Variants in KIAA1755 observed in about 807,000 individuals in gnomAD.
KIAA1755 encodes KIAA1755, also known as uncharacterized protein KIAA1755.
In KIAA1755, 68 loss-of-function variants were observed where a neutral mutation model predicts 91.7. The observed-to-expected ratio is 0.74, with a 90% CI of 0.61 to 0.91. KIAA1755 has a LOEUF of 0.91. Ranked by LOEUF, KIAA1755 falls within the 40% of genes least tolerant of loss-of-function variation. KIAA1755 has a pLI of 0.00. For missense variants in KIAA1755, 1,535 were observed against 1,494.4 expected (o/e 1.03, Z -0.45); for synonymous variants, 610 against 604.6 (o/e 1.01, Z -0.13).
In KIAA1755 at chr20:38,223,551, G is replaced by T. The variant is rs1236602288; in HGVS notation, c.2255C>A (p.Pro752His). 6.3e-7 allele frequency: 1 copy of T among 1,594,296 alleles called. No individual in the cohort carries two copies. Among genetic ancestry groups the T allele is most frequent in the Non-Finnish European group, 8.5e-7 (1 of 1,171,868 alleles). The change falls in exon 9 of 14, where the codon CCT becomes CAT. Residue 752 changes from proline to histidine, a missense_variant. By Grantham distance (77) the Pro-to-His change is moderately conservative. Coordinates refer to ENST00000279024, the MANE Select transcript of KIAA1755 (RefSeq NM_001029864.2). ...SIEEFEKADP[P>H]GGMQEATRCL... Reference sequence around the variant, plus strand: ...CTCCAGGCTCACCTGCATCCCCCCAGGGGGGTCGGCCTTCTCGAATTCCTC... The same window carrying T: ...CTCCAGGCTCACCTGCATCCCCCCATGGGGGTCGGCCTTCTCGAATTCCTC...
Position 38,218,229 on chromosome 20 carries a change from T to C in KIAA1755, c.2679+15A>G, listed in dbSNP as rs2075586891. On this transcript the variant is annotated intron_variant, in intron 12 of 13. Transcript: ENST00000279024. ...CATCTGCTCCAGTCCTGCTCCTCTG[T>C]TGTCTGGAACGCACTGCAGCCTGGA... 2 of 1,614,012 alleles carry C rather than the reference T, an allele frequency of 1.2e-6. No homozygotes were observed. Among genetic ancestry groups the C allele is most frequent in the East Asian group, 2.2e-5 (1 of 44,898 alleles).
chr20:38,249,890 A>G (rs1279139797), intron 1 of KIAA1755, among the ~76,000 whole-genome samples: 1 of 134,558 alleles, frequency 7.4e-6, no homozygotes, highest in Non-Finnish European at 1.6e-5. Flanking sequence ...TGCCCTCCCC[A>G]CTCCCTCCCT....
At chr20:38,215,701 C>T (rs1282359137) in intron 13 of KIAA1755, among the ~76,000 whole-genome samples, 8 of 152,230 alleles carry the variant, frequency 5.3e-5, no homozygotes, top group Middle Eastern at 3.4e-3. Context: ...AGTTGGAGCA[C>T]GTTTGATCGA....
intron 4 of KIAA1755, among the ~76,000 whole-genome samples, chr20:38,237,687 C>T (rs2075982543): frequency 6.6e-6 from 1 of 151,528 alleles, no homozygotes; most frequent in Non-Finnish European, 1.5e-5. Context: ...GGTGGTTGAA[C>T]CAATAGGTTC....
chr20:38,246,033 A>G lies in KIAA1755; in HGVS notation c.97T>C (p.Phe33Leu). The G allele has an allele frequency of 6.2e-7, 1 of 1,614,166 alleles. No homozygotes were observed. The highest frequency in any genetic ancestry group is 2.2e-5 in the East Asian group (1 of 44,876). ...TGGAAGCCAGAGTCCAGGAGACGGA[A>G]CACCTGACCCAGGACGGTGGGTGCT... ...ATAPTVLGQV[F>L]RLLDSGFQGD... The change falls in exon 2 of 14, where the codon TTC becomes CTC. Residue 33 changes from phenylalanine to leucine, a missense_variant. By Grantham distance (22) the Phe-to-Leu change is conservative. Coordinates refer to ENST00000279024, the MANE Select transcript of KIAA1755 (RefSeq NM_001029864.2).
At chr20:38,253,798 A>T (rs6024343) in intron 1 of KIAA1755, among the ~76,000 whole-genome samples, 27,868 of 152,148 alleles carry the variant, frequency 0.18, 3,494 homozygotes, top group African/African-American at 0.35. Context: ...AAAGTGTGAG[A>T]GTATGTGTTT....
intron 3 of KIAA1755, 131 bp from the exon 4 acceptor site, chr20:38,239,856 T>G: frequency 2.3e-6 from 2 of 863,740 alleles, no homozygotes; most frequent in Non-Finnish European, 3.7e-6. Flanking sequence ...TGCCAGGCAT[T>G]GCGCTAAGCC....
At chr20:38,250,458 G>C (rs1211079338) in intron 1 of KIAA1755, among the ~76,000 whole-genome samples, 2 of 147,238 alleles carry the variant, frequency 1.4e-5, no homozygotes, top group Non-Finnish European at 3.0e-5. Flanking sequence ...CAATTTCTGT[G>C]GTCATATTAT....
In KIAA1755 at chr20:38,238,737, G is replaced by A. The variant is rs574224993; in HGVS notation, c.1747+791C>T. Among the ~76,000 whole-genome samples the A allele has an allele frequency of 5.9e-5, 9 of 152,270 alleles. No individual in the cohort carries two copies. In the South Asian group the frequency reaches 1.9e-3, roughly 32 times the overall value. On this transcript the variant is annotated intron_variant, in intron 4 of 13. Coordinates refer to ENST00000279024, the MANE Select transcript of KIAA1755 (RefSeq NM_001029864.2). The stretch of plus-strand genomic sequence containing the variant: ...CATCAGACTTGTTCTCTTATGAATC[G>A]CCAGTGCTAAGCCCAGGAACCAGTA...
At chr20:38,224,641 G>T (rs553290662) in intron 8 of KIAA1755, among the ~76,000 whole-genome samples, 28 of 152,114 alleles carry the variant, frequency 1.8e-4, no homozygotes, top group Non-Finnish European at 4.0e-4. Flanking sequence ...CAAGCATGCC[G>T]CAATACACAA....
chr20:38,260,605 C>A lies in KIAA1755; in HGVS notation c.-105G>T. 1.4e-6 allele frequency: 2 copies of A among 1,408,166 alleles called. No individual in the cohort carries two copies. The highest frequency in any genetic ancestry group is 1.9e-6 in the Non-Finnish European group (2 of 1,075,334). 87.2% of individuals were successfully genotyped at this position (1,408,166 alleles called of 1,614,324 possible). A position where few individuals can be genotyped will look rare whatever the true frequency, so the allele number is the denominator to read the frequency against. On this transcript the variant is annotated 5_prime_UTR_variant, in exon 1 of 14. The change creates a new upstream start codon in the 5' untranslated region. Transcript: ENST00000279024. ...GGGCAGCCCTCGGTCCCGCCTAGCC[C>A]TGGAGCCAGGGGATAGGGCAGGCCC...
Position 38,212,748 on chromosome 20 carries a change from C to G in KIAA1755, c.*294G>C, listed in dbSNP as rs530277925. On this transcript the variant is annotated 3_prime_UTR_variant, in exon 14 of 14. Transcript: ENST00000279024. ...GCGAGACCTCTGGAGGGGTCTGTGCCGACAGGTCTTTCCACAATGAGAGCC... is the reference window on the plus strand; with the variant it reads ...GCGAGACCTCTGGAGGGGTCTGTGCGGACAGGTCTTTCCACAATGAGAGCC... The G allele has an allele frequency of 1.9e-5, 6 of 317,074 alleles. No individual in the cohort carries two copies. The highest frequency in any genetic ancestry group is 1.0e-4 in the African/African-American group (5 of 48,234). The allele number at this position is 317,074 out of a possible 1,614,324, so 19.6% of individuals were successfully genotyped here.
In KIAA1755 at chr20:38,212,790, A is replaced by G. The variant is rs950388175; in HGVS notation, c.*252T>C. 7 of 431,666 alleles carry G rather than the reference A, an allele frequency of 1.6e-5. No homozygotes were observed. Among genetic ancestry groups the G allele is most frequent in the Admixed American group, 1.1e-4 (3 of 26,548 alleles). The allele number at this position is 431,666 out of a possible 1,614,324, so 26.7% of individuals were successfully genotyped here. A position where few individuals can be genotyped will look rare whatever the true frequency, so the allele number is the denominator to read the frequency against. On this transcript the variant is annotated 3_prime_UTR_variant, in exon 14 of 14. Coordinates refer to ENST00000279024, the MANE Select transcript of KIAA1755 (RefSeq NM_001029864.2). The stretch of plus-strand genomic sequence containing the variant: ...ATGAGAGCCTGGAGGGATGGAGCCA[A>G]TCACACCATTTATTGTGCCCTGGTT...
At chr20:38,222,878 C>T in intron 9 of KIAA1755, 2 of 532,254 alleles carry the variant, frequency 3.8e-6, no homozygotes, top group Non-Finnish European at 6.8e-6. Flanking sequence ...AGTCTGTTCT[C>T]CACATGGCAG....
At chr20:38,253,879 GCTTTT>G (rs546929259) in intron 1 of KIAA1755, among the ~76,000 whole-genome samples, 43 of 152,232 alleles carry the variant, frequency 2.8e-4, no homozygotes, top group Admixed American at 2.2e-3. Flanking sequence ...TGTGGATTAA[GCTTTT>G]CTTTTCTTTT....
At chr20:38,252,143 A>G (rs1182425960) in intron 1 of KIAA1755, among the ~76,000 whole-genome samples, 2 of 152,092 alleles carry the variant, frequency 1.3e-5, no homozygotes, top group Non-Finnish European at 2.9e-5. Flanking sequence ...TTCCTATCCT[A>G]CCTCACTCAG....
In KIAA1755 at chr20:38,210,575, C is replaced by G. The variant is rs1362576977; in HGVS notation, c.*2467G>C. On this transcript the variant is annotated 3_prime_UTR_variant, in exon 14 of 14. Coordinates refer to ENST00000279024, the MANE Select transcript of KIAA1755 (RefSeq NM_001029864.2). ...ATTTCATTTCTGCATTCCCTTCTTC[C>G]CCAGGGGATGCAGTGAGGGGAGAGA... 1.3e-5 allele frequency: 2 copies of G among 152,204 alleles called. No homozygotes were observed. Among genetic ancestry groups the G allele is most frequent in the African/African-American group, 2.4e-5 (1 of 41,446 alleles). The allele number at this position is 152,204 out of a possible 1,614,324, so 9.4% of individuals were successfully genotyped here.
Position 38,213,614 on chromosome 20 carries a change from C to A in KIAA1755, c.3031G>T (p.Ala1011Ser), listed in dbSNP as rs747243988. The A allele has an allele frequency of 6.2e-7, 1 of 1,611,100 alleles. No homozygotes were observed. Among genetic ancestry groups the A allele is most frequent in the Non-Finnish European group, 8.5e-7 (1 of 1,178,670 alleles). ...YLQRLASEFPAEKLAAVGLQV... is the reference protein window; with the variant it reads ...YLQRLASEFPSEKLAAVGLQV... ...AGCCCCACGGCTGCGAGCTTCTCAG[C>A]AGGGAACTCAGATGCCAGTCGCTGC... Residue 1011 changes from alanine (A) to serine (S), a missense_variant, in exon 14 of 14, where the codon GCT (alanine) becomes TCT (serine). Physicochemically the swap from Ala to Ser is moderately conservative, Grantham distance 99 (BLOSUM62 1). Transcript: ENST00000279024.
At chr20:38,257,171 C>T (rs1335820219) in intron 1 of KIAA1755, among the ~76,000 whole-genome samples, 1 of 152,204 alleles carries the variant, frequency 6.6e-6, no homozygotes, top group East Asian at 1.9e-4. Context: ...CCTGCCTTCT[C>T]CATGGACTGC....
Sources: gnomAD v4.1 joint callset for allele counts (sites outside exome capture counted in the v4.1 genomes callset) on GRCh38, gnomAD v4.1.1 for gene constraint, MANE v1.5 for transcripts, NCBI Gene and HGNC (gene_info 2026-07-23, HGNC 2026-07-21) for gene names.